DNAH5: variants seen among roughly 807,000 people sequenced by gnomAD.
The protein encoded by DNAH5 is axonemal beta dynein heavy chain 5.
Under a neutral mutation model 518.2 loss-of-function variants are expected in DNAH5, and 372 were observed. The ratio of observed to expected loss-of-function variants is 0.72; its 90% CI spans 0.66 to 0.78. DNAH5 has a LOEUF of 0.78. Among genes scored for constraint, DNAH5 ranks in the 30% least tolerant of loss-of-function variants. DNAH5 has a pLI of 0.00. For synonymous variants in DNAH5, 2,039 were observed against 2,025.9 expected (o/e 1.01, Z -0.17); for missense variants, 5,523 against 5,687.0 (o/e 0.97, Z 0.93).
chr5:13,880,754 G>A (rs1771547084), intron 21 of DNAH5, among the ~76,000 whole-genome samples: 1 of 150,980 alleles, frequency 6.6e-6, no homozygotes, highest in Non-Finnish European at 1.5e-5. Flanking sequence ...AACCACAAAG[G>A]AAGAAATAAA....
chr5:13,888,261 C>T (rs1201715722), intron 17 of DNAH5, among the ~76,000 whole-genome samples: 1 of 152,206 alleles, frequency 6.6e-6, no homozygotes, highest in African/African-American at 2.4e-5. Context: ...TTCTTCCTCT[C>T]TACTAATTTT....
chr5:14,006,896 C>T (rs1463228060), intron 1 of DNAH5, among the ~76,000 whole-genome samples: 1 of 152,182 alleles, frequency 6.6e-6, no homozygotes, highest in African/African-American at 2.4e-5. Flanking sequence ...CCTCCTGCCT[C>T]CTGCTGCTGC....
At chr5:13,798,739 ATTTT>A (rs374996175) in intron 47 of DNAH5, among the ~76,000 whole-genome samples, 19 of 59,284 alleles carry the variant, frequency 3.2e-4, no homozygotes, top group Admixed American at 2.8e-3. Flanking sequence ...GATTTTATTT[ATTTT>A]ATTTATTTAT....
intron 57 of DNAH5, 111 bp from the exon 58 acceptor site, chr5:13,769,247 G>GGT: frequency 2.7e-6 from 2 of 746,572 alleles, no homozygotes; most frequent in Non-Finnish European, 4.1e-6. Context: ...CAGTTTTGTT[G>GGT]TTTTTTTTTT....
chr5:13,842,028 A>C, intron 32 of DNAH5, 124 bp from the exon 33 acceptor site: 1 of 657,414 alleles, frequency 1.5e-6, no homozygotes, highest in Non-Finnish European at 2.6e-6. Context: ...GTAAAAGCCA[A>C]ATATAAACTA....
intron 30 of DNAH5, among the ~76,000 whole-genome samples, chr5:13,856,902 A>T (rs1767711512): frequency 6.6e-6 from 1 of 152,220 alleles, no homozygotes; most frequent in African/African-American, 2.4e-5. Context: ...CACAGCCAAT[A>T]TCATACTGAA....
chr5:13,984,073 T>C (rs2152069031), intron 1 of DNAH5, among the ~76,000 whole-genome samples: 1 of 152,182 alleles, frequency 6.6e-6, no homozygotes, highest in Middle Eastern at 3.4e-3. Flanking sequence ...AAGGGGCTCT[T>C]AAATGTGGAA....
chr5:13,823,750 T>A (rs936465013), intron 39 of DNAH5, among the ~76,000 whole-genome samples: 2 of 152,236 alleles, frequency 1.3e-5, no homozygotes, highest in Admixed American at 6.5e-5. Flanking sequence ...ACTTTTAATT[T>A]AAAATAAAAA....
At chr5:14,004,516 A>T (rs1344453001) in intron 1 of DNAH5, among the ~76,000 whole-genome samples, 1 of 152,202 alleles carries the variant, frequency 6.6e-6, no homozygotes, top group Non-Finnish European at 1.5e-5. Context: ...GCATTGCAAA[A>T]GTTATCAATA....
At chr5:13,759,540 T>C (rs1368820630) in intron 60 of DNAH5, among the ~76,000 whole-genome samples, 1 of 152,268 alleles carries the variant, frequency 6.6e-6, no homozygotes, top group African/African-American at 2.4e-5. Flanking sequence ...TGAATATAAA[T>C]ATCTACGTTT....
chr5:13,701,661 A>G (rs879270927), intron 76 of DNAH5, among the ~76,000 whole-genome samples: 4 of 152,248 alleles, frequency 2.6e-5, no homozygotes, highest in Non-Finnish European at 2.9e-5. Context: ...TATACTAGTC[A>G]TCACATGAAC....
At chr5:13,964,180 T>C (rs1781381674) in intron 1 of DNAH5, among the ~76,000 whole-genome samples, 1 of 152,208 alleles carries the variant, frequency 6.6e-6, no homozygotes, top group African/African-American at 2.4e-5. Flanking sequence ...TGACTTTTTT[T>C]TTCCTTTAGT....
intron 67 of DNAH5, 150 bp downstream of exon 67, chr5:13,735,668 G>T (rs1433221120): frequency 2.7e-6 from 2 of 740,186 alleles, no homozygotes; most frequent in Non-Finnish European, 4.8e-6. Flanking sequence ...AAATCAGAAT[G>T]ATTTGTTAAC....
intron 38 of DNAH5, among the ~76,000 whole-genome samples, chr5:13,828,049 A>G (rs965118466): frequency 1.3e-5 from 2 of 152,254 alleles, no homozygotes; most frequent in Non-Finnish European, 2.9e-5. Context: ...TGTCTTTATT[A>G]GCAGCATGAG....
chr5:13,758,337 T>C (rs1366290185), intron 61 of DNAH5, among the ~76,000 whole-genome samples: 1 of 152,030 alleles, frequency 6.6e-6, no homozygotes, highest in Non-Finnish European at 1.5e-5. Context: ...AACTTGTCTC[T>C]ACAAAAAATT....
intron 66 of DNAH5, 110 bp from the exon 67 acceptor site, chr5:13,736,042 A>C: frequency 1.2e-6 from 1 of 805,978 alleles, no homozygotes; most frequent in South Asian, 1.4e-5. Flanking sequence ...TATTTTAGGC[A>C]GTGGCTGCCT....
chr5:13,987,494 T>C (rs963625038), intron 1 of DNAH5, among the ~76,000 whole-genome samples: 7 of 152,146 alleles, frequency 4.6e-5, no homozygotes, highest in Admixed American at 6.5e-5. Context: ...AAATAAGATA[T>C]TAGCAAATAA....
At chr5:13,796,406 A>C (rs1158700805) in intron 47 of DNAH5, among the ~76,000 whole-genome samples, 1 of 152,216 alleles carries the variant, frequency 6.6e-6, no homozygotes, top group African/African-American at 2.4e-5. Context: ...TACACCATTA[A>C]CAGACAAACA....
At chr5:13,771,305 G>T in intron 55 of DNAH5, 1 of 336,468 alleles carries the variant, frequency 3.0e-6, no homozygotes, top group Non-Finnish European at 5.6e-6. Context: ...CAGGACAAAT[G>T]GTACAAATAA....
Sources: gnomAD v4.1 joint callset for allele counts (sites outside exome capture counted in the v4.1 genomes callset) on GRCh38, gnomAD v4.1.1 for gene constraint, MANE v1.5 for transcripts, NCBI Gene and HGNC (gene_info 2026-07-23, HGNC 2026-07-21) for gene names.